Variants in ERG observed in about 807,000 individuals in gnomAD.
ERG encodes the protein ETS transcription factor ERG, also known as transcriptional regulator ERG.
ERG carries 9 observed loss-of-function variants against 55.3 expected under a neutral mutation model. That is an observed-to-expected ratio of 0.16 (90% CI 0.10 to 0.28). The LOEUF (loss-of-function observed/expected upper bound fraction) is 0.28. Ranked by LOEUF, ERG falls within the 10% of genes least tolerant of loss-of-function variation. The pLI, the probability that ERG is intolerant of heterozygous loss-of-function variation, is 1.00. For missense variants in ERG, 434 were observed against 631.6 expected (o/e 0.69, Z 3.35); for synonymous variants, 223 against 237.3 (o/e 0.94, Z 0.55).
intron 3 of ERG, among the ~76,000 whole-genome samples, chr21:38,417,175 G>A (rs1485634738): frequency 5.3e-5 from 8 of 152,310 alleles, no homozygotes; most frequent in East Asian, 1.9e-4. Context: ...ACTTTCTAAC[G>A]GAATAGAAAG....
At chr21:38,536,067 T>C (rs1366900195) in intron 2 of ERG, among the ~76,000 whole-genome samples, 1 of 152,164 alleles carries the variant, frequency 6.6e-6, no homozygotes, top group Non-Finnish European at 1.5e-5. Context: ...CCATGGACCA[T>C]GAGCAATTAG....
At chr21:38,618,447 T>G (rs1201956649) in intron 1 of ERG, among the ~76,000 whole-genome samples, 1 of 152,212 alleles carries the variant, frequency 6.6e-6, no homozygotes, top group Non-Finnish European at 1.5e-5. Context: ...ATAGACCTTT[T>G]CTGGCCCCAA....
At chr21:38,638,136 G>A (rs769087909) in intron 1 of ERG, among the ~76,000 whole-genome samples, 2 of 152,196 alleles carry the variant, frequency 1.3e-5, no homozygotes, top group African/African-American at 4.8e-5. Flanking sequence ...ATCTGGGTGC[G>A]CCAGTCCGGG....
At chr21:38,444,728 A>G (rs1347114502) in intron 2 of ERG, among the ~76,000 whole-genome samples, 1 of 144,352 alleles carries the variant, frequency 6.9e-6, no homozygotes, top group Non-Finnish European at 1.5e-5. Flanking sequence ...AAGAGGAGGA[A>G]AAAAAAAAAA....
Position 38,381,480 on chromosome 21 carries a change from ACT to A in ERG, c.*1921_*1922del, listed in dbSNP as rs758476406. On this transcript the variant is annotated 3_prime_UTR_variant, in exon 10 of 10. Transcript: ENST00000288319. ...AATCCCAAGCCACAGTGCCCAGGTA[ACT>A]CTGATGTAGCAGGACTAAAGCTGTC... The A allele has an allele frequency of 2.1e-5, 22 of 1,063,312 alleles. No individual in the cohort carries two copies. The highest frequency in any genetic ancestry group is 2.5e-5 in the Non-Finnish European group (22 of 878,138). 65.9% of individuals were successfully genotyped at this position (1,063,312 alleles called of 1,614,324 possible). A position where few individuals can be genotyped will look rare whatever the true frequency, so the allele number is the denominator to read the frequency against.
chr21:38,572,643 C>T (rs1213715854), intron 2 of ERG, among the ~76,000 whole-genome samples: 2 of 152,162 alleles, frequency 1.3e-5, no homozygotes, highest in Non-Finnish European at 2.9e-5. Context: ...TAACACAATT[C>T]TACCTCGCAG....
the ERG span, among the ~76,000 whole-genome samples, chr21:38,373,139 A>G: frequency 1.2e-4 from 18 of 152,208 alleles, no homozygotes; most frequent in Non-Finnish European, 2.2e-4. Context: ...CCAAGGCTTC[A>G]GCTCCCTGGC....
chr21:38,594,162 G>A (rs2060117828), intron 1 of ERG, among the ~76,000 whole-genome samples: 5 of 152,188 alleles, frequency 3.3e-5, no homozygotes, highest in Admixed American at 2.6e-4. Context: ...TGGGTACTGA[G>A]CCACCAGGAG....
intron 2 of ERG, among the ~76,000 whole-genome samples, chr21:38,523,956 C>G (rs16997997): frequency 6.6e-6 from 1 of 152,186 alleles, no homozygotes; most frequent in Admixed American, 6.5e-5. Flanking sequence ...ATTTAAGAGA[C>G]ACTTTGTTTT....
intron 2 of ERG, among the ~76,000 whole-genome samples, chr21:38,544,035 C>A (rs969519197): frequency 1.3e-5 from 2 of 152,254 alleles, no homozygotes; most frequent in South Asian, 2.1e-4. Context: ...CTGCCAAGCC[C>A]GGCCTGGGGA....
chr21:38,615,678 G>A (rs1260055090), intron 1 of ERG, among the ~76,000 whole-genome samples: 2 of 150,802 alleles, frequency 1.3e-5, no homozygotes, highest in East Asian at 1.9e-4. Flanking sequence ...ACAATTATTA[G>A]AGTGATTATT....
chr21:38,465,814 TC>T (rs2059083616), intron 1 of ERG, among the ~76,000 whole-genome samples: 1 of 152,242 alleles, frequency 6.6e-6, no homozygotes, highest in Non-Finnish European at 1.5e-5. Flanking sequence ...ACTTTGGTTC[TC>T]CGATACTGAA....
chr21:38,591,499 C>T (rs962460739), intron 1 of ERG, among the ~76,000 whole-genome samples: 12 of 152,178 alleles, frequency 7.9e-5, no homozygotes, highest in Non-Finnish European at 1.5e-5. Flanking sequence ...CAAGACCAGC[C>T]TGGCCAACAT....
chr21:38,371,616 G>C, the ERG span, among the ~76,000 whole-genome samples: 1 of 151,942 alleles, frequency 6.6e-6, no homozygotes, highest in African/African-American at 2.4e-5. Context: ...TATGTATTCA[G>C]ATAATCATAC....
chr21:38,555,716 C>T lies in ERG; in HGVS notation c.-41+19946G>A, dbSNP rs1300570891. 3.3e-5 allele frequency among the ~76,000 whole-genome samples: 5 copies of T among 152,252 alleles called. No homozygotes were observed. In the East Asian group the frequency reaches 9.7e-4, roughly 29 times the overall value. On this transcript the variant is annotated intron_variant, in intron 2 of 8. Coordinates refer to the ERG transcript ENST00000398897. ...AAAAGTATAAATCATCAGTACACTT[C>T]TAATAAAGTTAATAATCAAAGAAAT...
intron 3 of ERG, among the ~76,000 whole-genome samples, chr21:38,418,283 G>GTGTC (rs754797740): frequency 1.5e-4 from 22 of 150,548 alleles, no homozygotes; most frequent in African/African-American, 1.7e-4. Flanking sequence ...GTGTGTGTGT[G>GTGTC]TGTGTGTGTG....
intron 2 of ERG, among the ~76,000 whole-genome samples, chr21:38,423,804 GGT>G (rs1023767917): frequency 7.3e-4 from 111 of 152,086 alleles, no homozygotes; most frequent in Non-Finnish European, 1.3e-3. Context: ...TGGCCAACAT[GGT>G]GAAACCCCGT....
intron 2 of ERG, among the ~76,000 whole-genome samples, chr21:38,562,343 T>C (rs2059897858): frequency 6.6e-6 from 1 of 152,224 alleles, no homozygotes; most frequent in South Asian, 2.1e-4. Flanking sequence ...CTTTTGTTAA[T>C]ACTGGCCTTG....
intron 1 of ERG, among the ~76,000 whole-genome samples, chr21:38,482,050 T>C (rs2059242843): frequency 6.6e-6 from 1 of 152,186 alleles, no homozygotes; most frequent in Non-Finnish European, 1.5e-5. Context: ...TGTAGCAAAA[T>C]GCAGGCTATG....
Sources: allele counts gnomAD v4.1 joint callset (sites outside exome capture counted in the v4.1 genomes callset), GRCh38; gene constraint gnomAD v4.1.1; transcripts MANE v1.5; gene names NCBI Gene and HGNC (gene_info 2026-07-23, HGNC 2026-07-21).